The following ADAM7 variants were observed in gnomAD, a reference collection of about 807,000 sequenced individuals.
The protein encoded by ADAM7 is disintegrin and metalloproteinase domain-containing protein 7.
ADAM7 carries 97 observed loss-of-function variants against 102.9 expected under a neutral mutation model. The ratio of observed to expected loss-of-function variants is 0.94; its 90% CI spans 0.80 to 1.12. The LOEUF (loss-of-function observed/expected upper bound fraction) is 1.12, where lower values mean the gene tolerates loss of function less well. ADAM7 is among the 50% of genes most tolerant of loss of function. ADAM7 has a pLI of 0.00. For missense variants in ADAM7, 991 were observed against 908.7 expected (o/e 1.09, Z -1.16); for synonymous variants, 334 against 304.4 (o/e 1.10, Z -1.01).
At chr8:24,477,047 A>G (rs1273354746) in intron 8 of ADAM7, among the ~76,000 whole-genome samples, 2 of 152,188 alleles carry the variant, frequency 1.3e-5, no homozygotes, top group East Asian at 3.9e-4. Context: ...GAGACCCCAT[A>G]AGAAAAAGCT....
intron 11 of ADAM7, among the ~76,000 whole-genome samples, chr8:24,488,751 G>T (rs1820232906): frequency 6.6e-6 from 1 of 152,056 alleles, no homozygotes; most frequent in Non-Finnish European, 1.5e-5. Flanking sequence ...ACCACTTTGT[G>T]CCAGGTACTG....
At chr8:24,459,508 G>A (rs1585868064) in intron 3 of ADAM7, among the ~76,000 whole-genome samples, 1 of 151,838 alleles carries the variant, frequency 6.6e-6, no homozygotes, top group Admixed American at 6.6e-5. Context: ...CCAGGCTGGA[G>A]TGCAGTGGTG....
intron 16 of ADAM7, among the ~76,000 whole-genome samples, chr8:24,497,767 C>G (rs1265218298): frequency 1.3e-5 from 2 of 152,130 alleles, no homozygotes; most frequent in South Asian, 4.1e-4. Flanking sequence ...TACCCTCATG[C>G]CTTGAATGTC....
chr8:24,481,141 G>A (rs964036037), intron 8 of ADAM7, among the ~76,000 whole-genome samples: 2 of 152,092 alleles, frequency 1.3e-5, no homozygotes, highest in Non-Finnish European at 1.5e-5. Flanking sequence ...AGGCTCCAGG[G>A]TAGATTTGAA....
rs148083641 is a variant in ADAM7 at position 24,457,389 on chromosome 8, C to T, written c.234-6493C>T. The stretch of plus-strand genomic sequence containing the variant: ...CTCCTGGGCTCAAATGATTCTTGTG[C>T]CTCAGCCTCCCCAGTAGCTGGGACT... On this transcript the variant is annotated intron_variant, in intron 3 of 21. Transcript: ENST00000175238. Among the ~76,000 whole-genome samples, 7 of 152,140 alleles carry T rather than the reference C, an allele frequency of 4.6e-5. No individual in the cohort carries two copies. The East Asian group carries it at 1.4e-3, about 29-fold the overall frequency.
Position 24,508,915 on chromosome 8 carries a change from A to G in ADAM7, c.*369A>G. 9.3e-7 allele frequency: 1 copy of G among 1,071,876 alleles called. No homozygotes were observed. The allele number at this position is 1,071,876 out of a possible 1,614,324, so 66.4% of individuals were successfully genotyped here. A position where few individuals can be genotyped will look rare whatever the true frequency, so the allele number is the denominator to read the frequency against. On this transcript the variant is annotated 3_prime_UTR_variant, in exon 22 of 22. Coordinates refer to ENST00000175238, the MANE Select transcript of ADAM7 (RefSeq NM_003817.4). ...TTACAGTCTAAGAAGAAAACATTGCATATAAAAAGTTACTTTTTTGGAAAC... is the reference window on the plus strand; with the variant it reads ...TTACAGTCTAAGAAGAAAACATTGCGTATAAAAAGTTACTTTTTTGGAAAC...
At chr8:24,444,322 G>A (rs945898506) in intron 2 of ADAM7, among the ~76,000 whole-genome samples, 2 of 151,522 alleles carry the variant, frequency 1.3e-5, no homozygotes, top group African/African-American at 4.8e-5. Flanking sequence ...CACTTCTTCT[G>A]GGAGAGGAAT....
chr8:24,476,188 CAGAGTT>C (rs770839203), intron 7 of ADAM7, among the ~76,000 whole-genome samples: 6 of 151,964 alleles, frequency 3.9e-5, no homozygotes, highest in Non-Finnish European at 7.4e-5. Flanking sequence ...GAAAAGGAAA[CAGAGTT>C]AGAAAGAAAA....
chr8:24,496,028 C>T (rs1820540773), intron 16 of ADAM7, among the ~76,000 whole-genome samples: 2 of 152,196 alleles, frequency 1.3e-5, no homozygotes, highest in Non-Finnish European at 2.9e-5. Context: ...GGCCCATAGG[C>T]CTAGGAGAAA....
Position 24,466,861 on chromosome 8 carries a change from G to A in ADAM7, c.452G>A (p.Gly151Glu). 1 of 1,614,020 alleles carries A rather than the reference G, an allele frequency of 6.2e-7. No homozygotes were observed. Residue 151 changes from glycine (G) to glutamate (E), a missense_variant, in exon 6 of 22, where the codon GGA (glycine) becomes GAA (glutamate). Gly to Glu is a moderately conservative substitution (Grantham distance 98). Transcript: ENST00000175238. Reference protein sequence around the residue: ...LIEPVKYSDEGEHLVFKYNLR... With the variant: ...LIEPVKYSDEEEHLVFKYNLR... Reference sequence around the variant, plus strand: ...GAACCAGTGAAATACTCAGATGAGGGAGAACATTTGGTGTTCAAATATAAC... The same window carrying A: ...GAACCAGTGAAATACTCAGATGAGGAAGAACATTTGGTGTTCAAATATAAC...
At position 24,506,230 on chromosome 8, in the gene ADAM7, T is replaced by C. The variant is rs116728210; in HGVS notation, c.2209-1250T>C. 7.4e-4 allele frequency: 911 copies of C among 1,232,458 alleles called. 3 individuals carry two copies. In the African/African-American group the frequency reaches 0.012, roughly 17 times the overall value. The allele number at this position is 1,232,458 out of a possible 1,614,324, so 76.3% of individuals were successfully genotyped here. A position where few individuals can be genotyped will look rare whatever the true frequency, so the allele number is the denominator to read the frequency against. ...TAATAATTTTCATGAAACTTAATCA[T>C]TTGTTGGTTCCTTGAAAAGGACCAA... On this transcript the variant is annotated intron_variant, in intron 20 of 21. Transcript: ENST00000175238.
At chr8:24,443,694 T>C (rs1290071015) in intron 2 of ADAM7, among the ~76,000 whole-genome samples, 1 of 152,106 alleles carries the variant, frequency 6.6e-6, no homozygotes, top group Admixed American at 6.6e-5. Context: ...CCCCAGCACT[T>C]TGGGAGGCCG....
At chr8:24,444,748 C>T (rs1451989773) in intron 2 of ADAM7, among the ~76,000 whole-genome samples, 3 of 151,260 alleles carry the variant, frequency 2.0e-5, no homozygotes, top group South Asian at 4.2e-4. Flanking sequence ...CTAAGGAGAC[C>T]TGACAACTAA....
At chr8:24,469,276 C>A (rs957713298) in intron 7 of ADAM7, among the ~76,000 whole-genome samples, 1 of 152,062 alleles carries the variant, frequency 6.6e-6, no homozygotes, top group African/African-American at 2.4e-5. Context: ...GAAATGAGAC[C>A]TCTGCATTAT....
chr8:24,458,862 G>A (rs1692501383), intron 3 of ADAM7, among the ~76,000 whole-genome samples: 1 of 151,828 alleles, frequency 6.6e-6, no homozygotes, highest in African/African-American at 2.4e-5. Context: ...TTGAAATGTC[G>A]ATATGGCAGT....
chr8:24,486,340 A>G (rs1166379887), intron 10 of ADAM7, among the ~76,000 whole-genome samples: 7 of 152,314 alleles, frequency 4.6e-5, no homozygotes, highest in African/African-American at 1.7e-4. Context: ...TCTTGCATGG[A>G]TTTGATATAT....
intron 20 of ADAM7, chr8:24,506,258 A>T (rs1820947625): frequency 1.1e-6 from 1 of 935,352 alleles, no homozygotes; most frequent in African/African-American, 1.7e-5. Context: ...AGGACCAATA[A>T]TATAACATCG....
At chr8:24,452,441 C>A (rs6557748) in intron 3 of ADAM7, among the ~76,000 whole-genome samples, 103,859 of 145,574 alleles carry the variant, frequency 0.71, 37,872 homozygotes, top group African/African-American at 0.8. Context: ...TGTTGGTTTA[C>A]AGTCTGTTTT....
chr8:24,452,605 AT>A (rs1818842210), intron 3 of ADAM7, among the ~76,000 whole-genome samples: 1 of 149,854 alleles, frequency 6.7e-6, no homozygotes, highest in Admixed American at 6.6e-5. Context: ...TCTTTATCCA[AT>A]TTGCCAGTCT....
Sources: gnomAD v4.1 joint callset for allele counts (sites outside exome capture counted in the v4.1 genomes callset) on GRCh38, gnomAD v4.1.1 for gene constraint, MANE v1.5 for transcripts, NCBI Gene and HGNC (gene_info 2026-07-23, HGNC 2026-07-21) for gene names.